TENM4: variants seen among roughly 807,000 people sequenced by gnomAD.
TENM4 encodes teneurin transmembrane protein 4.
TENM4 carries 82 observed loss-of-function variants against 243.3 expected under a neutral mutation model. The ratio of observed to expected loss-of-function variants is 0.34; its 90% CI spans 0.28 to 0.40. TENM4 has a LOEUF of 0.40. Among genes scored for constraint, TENM4 ranks in the 10% least tolerant of loss-of-function variants. The pLI, the probability that TENM4 is intolerant of heterozygous loss-of-function variation, is 1.00. For synonymous variants in TENM4, 1,412 were observed against 1,456.3 expected (o/e 0.97, Z 0.69); for missense variants, 3,138 against 3,673.3 (o/e 0.85, Z 3.77).
chr11:79,321,471 G>A (rs1175930995), intron 1 of TENM4, among the ~76,000 whole-genome samples: 1 of 152,044 alleles, frequency 6.6e-6, no homozygotes, highest in Non-Finnish European at 1.5e-5. Flanking sequence ...CATCTGAAAA[G>A]GTGATGTAAA....
chr11:78,985,219 A>T (rs1857890424), intron 6 of TENM4, among the ~76,000 whole-genome samples: 1 of 152,118 alleles, frequency 6.6e-6, no homozygotes, highest in Admixed American at 6.5e-5. Flanking sequence ...ACTCCGTGCC[A>T]TGTCCTATGT....
chr11:79,374,993 C>CT (rs1857864145), intron 1 of TENM4, among the ~76,000 whole-genome samples: 1 of 152,174 alleles, frequency 6.6e-6, no homozygotes, highest in Non-Finnish European at 1.5e-5. Flanking sequence ...GCATTAGTCC[C>CT]TGTGGGAATT....
chr11:78,778,830 C>T (rs1303256670), intron 16 of TENM4, among the ~76,000 whole-genome samples: 5 of 152,082 alleles, frequency 3.3e-5, no homozygotes, highest in African/African-American at 1.2e-4. Context: ...CCAGGGATGG[C>T]CAAAAGGAAC....
At chr11:78,743,225 C>T (rs1190335642) in intron 19 of TENM4, among the ~76,000 whole-genome samples, 1 of 152,168 alleles carries the variant, frequency 6.6e-6, no homozygotes, top group Non-Finnish European at 1.5e-5. Flanking sequence ...ACCACTCCTG[C>T]TCCTTCTGGG....
rs193168108 is a variant in TENM4 at position 79,437,194 on chromosome 11, C to T, written c.-321+3315G>A. 3.5e-4 allele frequency among the ~76,000 whole-genome samples: 54 copies of T among 152,352 alleles called. 1 individual carries two copies. The highest frequency in any genetic ancestry group is 1.2e-3 in the African/African-American group (51 of 41,596). On this transcript the variant is annotated intron_variant, in intron 1 of 33. Transcript: ENST00000278550. The stretch of plus-strand genomic sequence containing the variant: ...CTTATAACACCTGGAAAGGGGAAAC[C>T]TGTTTTTTGTGCTATGTGTGACTTC...
chr11:79,173,950 C>T (rs1186746970), intron 3 of TENM4, among the ~76,000 whole-genome samples: 1 of 152,148 alleles, frequency 6.6e-6, no homozygotes, highest in Non-Finnish European at 1.5e-5. Flanking sequence ...GCTAGAGAGT[C>T]TCATTTATGT....
chr11:79,260,245 G>C (rs892304101), intron 2 of TENM4, among the ~76,000 whole-genome samples: 2 of 152,168 alleles, frequency 1.3e-5, no homozygotes, highest in Admixed American at 1.3e-4. Flanking sequence ...GAGGCACCAA[G>C]GGTAAAAATT....
intron 1 of TENM4, among the ~76,000 whole-genome samples, chr11:79,370,979 T>G (rs1857773607): frequency 6.6e-6 from 1 of 152,012 alleles, no homozygotes; most frequent in Non-Finnish European, 1.5e-5. Flanking sequence ...AATTGATAAA[T>G]GGACAAAGGA....
chr11:78,820,674 T>TG (rs1222544270), intron 12 of TENM4, among the ~76,000 whole-genome samples: 2 of 152,198 alleles, frequency 1.3e-5, no homozygotes, highest in African/African-American at 2.4e-5. Flanking sequence ...TGTGGGTTTC[T>TG]GGGGGGTAAA....
intron 6 of TENM4, among the ~76,000 whole-genome samples, chr11:79,016,054 T>C (rs1858766289): frequency 6.6e-6 from 1 of 151,528 alleles, no homozygotes; most frequent in Non-Finnish European, 1.5e-5. Flanking sequence ...GCATGGTGAG[T>C]AGAAGGGTAG....
intron 19 of TENM4, among the ~76,000 whole-genome samples, chr11:78,747,124 A>G (rs1447322896): frequency 6.6e-6 from 1 of 152,210 alleles, no homozygotes; most frequent in Non-Finnish European, 1.5e-5. Context: ...AATGGAAATA[A>G]TAATTCAAAG....
chr11:79,122,974 G>A (rs780328579), intron 4 of TENM4, among the ~76,000 whole-genome samples: 5 of 152,200 alleles, frequency 3.3e-5, no homozygotes, highest in African/African-American at 7.2e-5. Context: ...GGGAACCTGA[G>A]CCTTACCTCA....
intron 7 of TENM4, among the ~76,000 whole-genome samples, chr11:78,898,742 G>T (rs1438333013): frequency 6.6e-6 from 1 of 152,170 alleles, no homozygotes; most frequent in Non-Finnish European, 1.5e-5. Context: ...GGGAAGCCCT[G>T]TGTTGTGTGC....
At chr11:78,876,357 G>A (rs1402565773) in intron 9 of TENM4, among the ~76,000 whole-genome samples, 3 of 152,234 alleles carry the variant, frequency 2.0e-5, no homozygotes, top group Admixed American at 6.5e-5. Flanking sequence ...CAGAATGAAA[G>A]TACAGATTGA....
chr11:79,356,530 G>A (rs1359325410), intron 1 of TENM4, among the ~76,000 whole-genome samples: 1 of 152,148 alleles, frequency 6.6e-6, no homozygotes, highest in Non-Finnish European at 1.5e-5. Context: ...TTCTCCATTT[G>A]ACCCTGGTTA....
intron 6 of TENM4, among the ~76,000 whole-genome samples, chr11:78,960,607 C>G (rs1300080985): frequency 1.3e-5 from 2 of 152,186 alleles, no homozygotes; most frequent in Admixed American, 6.5e-5. Flanking sequence ...TTCCCTCTGC[C>G]CAGAACACCC....
intron 1 of TENM4, among the ~76,000 whole-genome samples, chr11:79,402,623 C>T (rs1383197883): frequency 2.6e-5 from 4 of 152,102 alleles, no homozygotes; most frequent in Non-Finnish European, 4.4e-5. Context: ...TTTCTGAGGT[C>T]TGATCCACCC....
chr11:78,988,302 G>T (rs1269193407), intron 6 of TENM4, among the ~76,000 whole-genome samples: 2 of 152,166 alleles, frequency 1.3e-5, no homozygotes, highest in Non-Finnish European at 1.5e-5. Context: ...AGTGACCAAT[G>T]GTCCAGCCCT....
intron 6 of TENM4, among the ~76,000 whole-genome samples, chr11:78,954,567 C>G (rs1194809327): frequency 6.6e-6 from 1 of 152,216 alleles, no homozygotes; most frequent in African/African-American, 2.4e-5. Flanking sequence ...AGAGGCAAAT[C>G]TCTCCTCACT....
Sources: allele counts gnomAD v4.1 joint callset (sites outside exome capture counted in the v4.1 genomes callset), GRCh38; gene constraint gnomAD v4.1.1; transcripts MANE v1.5; gene names NCBI Gene and HGNC (gene_info 2026-07-23, HGNC 2026-07-21).